Variants in PFKP observed in about 807,000 individuals in gnomAD.
PFKP encodes the protein ATP-dependent 6-phosphofructokinase, platelet type.
A neutral mutation model predicts 94.3 loss-of-function variants in PFKP; 101 were observed. The observed-to-expected ratio is 1.07, with a 90% confidence interval of 0.91 to 1.26. The LOEUF (loss-of-function observed/expected upper bound fraction) is 1.26, where lower values mean the gene tolerates loss of function less well. Ranked by LOEUF, PFKP falls within the 50% of genes most tolerant of loss-of-function variation. The pLI is 0.00. For synonymous variants in PFKP, 573 were observed against 432.6 expected (o/e 1.32, Z -4.03); for missense variants, 1,145 against 1,103.3 (o/e 1.04, Z -0.53).
intron 2 of PFKP, among the ~76,000 whole-genome samples, chr10:3,096,605 G>A (rs1001370875): frequency 6.6e-6 from 1 of 151,710 alleles, no homozygotes; most frequent in Non-Finnish European, 1.5e-5. Flanking sequence ...TCTAAGAAGG[G>A]TCCGTTTCAC....
intron 1 of PFKP, among the ~76,000 whole-genome samples, chr10:3,076,998 C>T (rs1309790579): frequency 6.6e-6 from 1 of 152,194 alleles, no homozygotes; most frequent in Non-Finnish European, 1.5e-5. Context: ...ACTTTGGCAG[C>T]AGTAGTGAGA....
intron 13 of PFKP, among the ~76,000 whole-genome samples, chr10:3,116,144 A>ATATATATAT (rs1343886681): frequency 6.6e-6 from 1 of 152,106 alleles, no homozygotes; most frequent in Non-Finnish European, 1.5e-5. Context: ...ATATATATAT[A>ATATATATAT]TATACATACA....
intron 21 of PFKP, 147 bp from the exon 22 acceptor site, chr10:3,136,303 A>C: frequency 4.3e-6 from 3 of 702,498 alleles, no homozygotes; most frequent in Non-Finnish European, 7.2e-6. Flanking sequence ...GTTTCATTTG[A>C]TCCTGAAATT....
intron 21 of PFKP, among the ~76,000 whole-genome samples, 157 bp downstream of exon 21, chr10:3,135,995 G>A (rs962075170): frequency 6.6e-6 from 1 of 152,282 alleles, no homozygotes; most frequent in Non-Finnish European, 1.5e-5. Context: ...GCTGGGCGCG[G>A]TGGCTCATGC....
intron 19 of PFKP, 37 bp from the exon 20 acceptor site, chr10:3,134,446 T>TTAA: frequency 2.5e-6 from 3 of 1,178,148 alleles, no homozygotes; most frequent in Non-Finnish European, 3.8e-6. Context: ...AGTGTTACTG[T>TTAA]ATAACTGGTA....
chr10:3,083,397 ATG>A (rs55743632), intron 2 of PFKP, among the ~76,000 whole-genome samples: 37,906 of 151,988 alleles, frequency 0.25, 4,939 homozygotes, highest in East Asian at 0.35. Context: ...AAAATATTTA[ATG>A]TTTAAATTTA....
At chr10:3,090,502 G>A (rs937397393) in intron 2 of PFKP, among the ~76,000 whole-genome samples, 2 of 152,168 alleles carry the variant, frequency 1.3e-5, no homozygotes, top group Non-Finnish European at 2.9e-5. Flanking sequence ...GGGAAACGGG[G>A]TCTGCACCTG....
At chr10:3,114,741 C>T (rs1235464288) in intron 13 of PFKP, among the ~76,000 whole-genome samples, 1 of 152,202 alleles carries the variant, frequency 6.6e-6, no homozygotes, top group Non-Finnish European at 1.5e-5. Flanking sequence ...CTGATGCTCA[C>T]AGGGGCGGGG....
chr10:3,118,638 G>A, intron 14 of PFKP, 144 bp from the exon 15 acceptor site: 3 of 589,430 alleles, frequency 5.1e-6, no homozygotes, highest in East Asian at 5.9e-5. Context: ...AGCCACAACG[G>A]CATGAGTGAA....
chr10:3,129,593 A>T, intron 16 of PFKP: 1 of 528,352 alleles, frequency 1.9e-6, no homozygotes, highest in African/African-American at 2.0e-5. Flanking sequence ...CGGGACATCG[A>T]GGTCACCTCC....
chr10:3,124,232 A>G (rs1220285025), intron 16 of PFKP, among the ~76,000 whole-genome samples: 1 of 152,180 alleles, frequency 6.6e-6, no homozygotes, highest in Non-Finnish European at 1.5e-5. Flanking sequence ...TATTCACAGT[A>G]AGACGGACAC....
At chr10:3,115,045 C>T (rs867372990) in intron 13 of PFKP, among the ~76,000 whole-genome samples, 16 of 152,142 alleles carry the variant, frequency 1.1e-4, no homozygotes, top group African/African-American at 3.9e-4. Context: ...GCACGGAGGG[C>T]AGATGGGGTT....
At chr10:3,068,205 C>T (rs552251704) in intron 1 of PFKP, among the ~76,000 whole-genome samples, 1 of 152,232 alleles carries the variant, frequency 6.6e-6, no homozygotes, top group African/African-American at 2.4e-5. Flanking sequence ...CACGCCACCC[C>T]CTAGAATGTC....
intron 1 of PFKP, among the ~76,000 whole-genome samples, chr10:3,071,713 G>T (rs998569093): frequency 2.6e-5 from 4 of 152,166 alleles, no homozygotes; most frequent in African/African-American, 9.7e-5. Flanking sequence ...AGGGTAGGCT[G>T]CATGTGAAAG....
At position 3,096,896 on chromosome 10, in the gene PFKP, G is replaced by C. The variant is rs1430329865; in HGVS notation, c.187-2379G>C. Among the ~76,000 whole-genome samples the C allele has an allele frequency of 9.0e-5, 10 of 111,338 alleles. 1 individual carries two copies. The East Asian group carries it at 2.5e-3, about 28-fold the overall frequency. 73.0% of individuals were successfully genotyped at this position (111,338 alleles called of 152,430 possible). A position where few individuals can be genotyped will look rare whatever the true frequency, so the allele number is the denominator to read the frequency against. On this transcript the variant is annotated intron_variant, in intron 2 of 21. Transcript: ENST00000381125. ...GATCGAGACCATCCTGGCTAACACG[G>C]TGAAACCCCGTCTCTACTAAAAATA...
intron 7 of PFKP, among the ~76,000 whole-genome samples, chr10:3,106,447 C>G (rs1001717375): frequency 6.0e-5 from 9 of 151,094 alleles, no homozygotes; most frequent in African/African-American, 2.2e-4. Context: ...ACCTGTGTGT[C>G]CTTCCCCATG....
At chr10:3,127,531 G>A (rs531615000) in intron 16 of PFKP, among the ~76,000 whole-genome samples, 5 of 152,296 alleles carry the variant, frequency 3.3e-5, no homozygotes, top group South Asian at 2.1e-4. Flanking sequence ...GGCCCCACCC[G>A]TGCCTGGGAT....
intron 16 of PFKP, among the ~76,000 whole-genome samples, chr10:3,121,297 C>T (rs1001298506): frequency 3.3e-5 from 5 of 152,192 alleles, no homozygotes; most frequent in African/African-American, 9.7e-5. Context: ...TTTGCTGCTG[C>T]GGGGCTGGCC....
chr10:3,067,609 A>G lies in PFKP; in HGVS notation c.14A>G (p.Asp5Gly), dbSNP rs1451088905. The G allele has an allele frequency of 1.2e-5, 18 of 1,524,898 alleles. No individual in the cohort carries two copies. The Middle Eastern group carries it at 1.0e-3, about 86-fold the overall frequency. 94.5% of individuals were successfully genotyped at this position (1,524,898 alleles called of 1,614,324 possible). The change falls in exon 1 of 22, where the codon GAC becomes GGC. Residue 5 changes from aspartate (D) to glycine (G), a missense_variant. By Grantham distance (94) the Asp-to-Gly change is moderately conservative. Coordinates refer to ENST00000381125, the MANE Select transcript of PFKP (RefSeq NM_002627.5). Reference protein sequence around the residue: MDADDSRAPKGSLRK... With the variant: MDADGSRAPKGSLRK... ...GGCCTCCTCGCCATGGACGCGGACG[A>G]CTCCCGGGCCCCCAAGGGCTCCTTG...
Sources: allele counts gnomAD v4.1 joint callset (sites outside exome capture counted in the v4.1 genomes callset), GRCh38; gene constraint gnomAD v4.1.1; transcripts MANE v1.5; gene names NCBI Gene and HGNC (gene_info 2026-07-23, HGNC 2026-07-21).